The following NPAS3 variants were observed in gnomAD, a reference collection of about 807,000 sequenced individuals.
The protein encoded by NPAS3 is neuronal PAS domain protein 3.
A neutral mutation model predicts 73.1 loss-of-function variants in NPAS3; 14 were observed. The ratio of observed to expected loss-of-function variants is 0.19; its 90% CI spans 0.13 to 0.30. The LOEUF (loss-of-function observed/expected upper bound fraction) is 0.30. Ranked by LOEUF, NPAS3 falls within the 10% of genes least tolerant of loss-of-function variation. The pLI, the probability that NPAS3 is intolerant of heterozygous loss-of-function variation, is 1.00. For synonymous variants in NPAS3, 620 were observed against 541.5 expected (o/e 1.14, Z -2.01); for missense variants, 1,096 against 1,250.0 (o/e 0.88, Z 1.86).
intron 3 of NPAS3, among the ~76,000 whole-genome samples, chr14:33,363,922 CTG>C (rs10627532): frequency 0.1 from 14,880 of 148,802 alleles, 903 homozygotes; most frequent in Middle Eastern, 0.17. Context: ...GCAATGCCCT[CTG>C]TGTGTGTGTG....
chr14:33,406,874 G>A (rs2047690721), intron 4 of NPAS3, among the ~76,000 whole-genome samples: 1 of 152,054 alleles, frequency 6.6e-6, no homozygotes, highest in South Asian at 2.1e-4. Context: ...TGGTTTGTTA[G>A]CTTAACAGTA....
chr14:33,210,941 C>T (rs1339892940), intron 2 of NPAS3, among the ~76,000 whole-genome samples: 1 of 151,944 alleles, frequency 6.6e-6, no homozygotes, highest in Non-Finnish European at 1.5e-5. Context: ...ATGTCAGAAC[C>T]AAGGAATAGG....
intron 3 of NPAS3, among the ~76,000 whole-genome samples, chr14:33,352,087 C>T (rs537362496): frequency 1.3e-5 from 2 of 152,064 alleles, no homozygotes; most frequent in Non-Finnish European, 2.9e-5. Flanking sequence ...CAAATGACTC[C>T]AAGAATACAC....
rs774218063 is a variant in NPAS3 at position 33,215,215 on chromosome 14, T to C, written c.174T>C (p.Asp58=). 2.5e-6 allele frequency: 4 copies of C among 1,613,656 alleles called. No individual in the cohort carries two copies. In the Admixed American group the frequency reaches 5.0e-5, roughly 20 times the overall value. The change falls in exon 3 of 12, where the codon GAT becomes GAC. Residue 58 remains aspartate (D), a synonymous_variant. Transcript: ENST00000356141. ...CATTGAGAAAGGAGAAATCCCGAGA[T>C]GCTGCTCGCTCCCGCCGGGGAAAAG...
chr14:33,171,674 G>A (rs147869901), intron 2 of NPAS3, among the ~76,000 whole-genome samples: 146 of 152,292 alleles, frequency 9.6e-4, no homozygotes, highest in Middle Eastern at 6.8e-3. Flanking sequence ...TCAGCAATAA[G>A]CCTCTTTTCA....
intron 2 of NPAS3, among the ~76,000 whole-genome samples, chr14:33,062,309 A>G (rs1368348790): frequency 1.3e-5 from 2 of 152,136 alleles, no homozygotes; most frequent in Non-Finnish European, 2.9e-5. Context: ...AAGAAAAAAA[A>G]AAAGAAGGAA....
chr14:33,642,051 A>C (rs2058688853), intron 5 of NPAS3, among the ~76,000 whole-genome samples: 1 of 152,172 alleles, frequency 6.6e-6, no homozygotes, highest in Non-Finnish European at 1.5e-5. Context: ...TCATGTCGAT[A>C]GATAGAAAAT....
At chr14:33,162,056 C>T (rs1347429128) in intron 2 of NPAS3, among the ~76,000 whole-genome samples, 1 of 152,220 alleles carries the variant, frequency 6.6e-6, no homozygotes, top group Admixed American at 6.5e-5. Context: ...GAGTAGGCAC[C>T]ATGCCGGGCA....
intron 5 of NPAS3, among the ~76,000 whole-genome samples, chr14:33,639,362 G>A (rs2140173744): frequency 6.6e-6 from 1 of 152,044 alleles, no homozygotes; most frequent in South Asian, 2.1e-4. Context: ...CAAACCACAT[G>A]TGAAACAATC....
In NPAS3 at chr14:33,215,169, C is replaced by G; in HGVS notation, c.141-13C>G. On this transcript the variant is annotated splice_polypyrimidine_tract_variant and intron_variant, in intron 2 of 11. Transcript: ENST00000356141. ...ATATTCTAAACCACACATTCTCACT[C>G]CTTTGATTTCAGTTTACAAGCATTG... 3 of 1,612,950 alleles carry G rather than the reference C, an allele frequency of 1.9e-6. No individual in the cohort carries two copies. Among genetic ancestry groups the G allele is most frequent in the Non-Finnish European group, 2.5e-6 (3 of 1,179,200 alleles).
chr14:33,350,087 G>A (rs1170118236), intron 3 of NPAS3, among the ~76,000 whole-genome samples: 3 of 152,148 alleles, frequency 2.0e-5, no homozygotes, highest in African/African-American at 4.8e-5. Context: ...TTTCTCGTAC[G>A]CTTGGCTAGG....
chr14:33,737,255 AT>A (rs1021116120), intron 7 of NPAS3, among the ~76,000 whole-genome samples: 15 of 152,162 alleles, frequency 9.9e-5, no homozygotes, highest in African/African-American at 3.6e-4. Context: ...AGGAGGCGGG[AT>A]GTCACCTATG....
chr14:33,008,125 C>T lies in NPAS3; in HGVS notation c.51-47780C>T, dbSNP rs116140122. On this transcript the variant is annotated intron_variant, in intron 1 of 11. Coordinates refer to ENST00000356141, the Ensembl canonical transcript of NPAS3. ...AAATGCTAAGAATGATAGAGAAACA[C>T]CAGCAGAGATTATTACTGCAACATT... 7.5e-3 allele frequency among the ~76,000 whole-genome samples: 1,144 copies of T among 152,128 alleles called. 16 individuals are homozygous for T. Among genetic ancestry groups the T allele is most frequent in the African/African-American group, 0.026 (1,095 of 41,476 alleles).
At chr14:33,036,184 T>A (rs1393874849) in intron 1 of NPAS3, among the ~76,000 whole-genome samples, 1 of 152,132 alleles carries the variant, frequency 6.6e-6, no homozygotes, top group Non-Finnish European at 1.5e-5. Context: ...GGGTGGGGGC[T>A]GGTGGGTACT....
intron 6 of NPAS3, among the ~76,000 whole-genome samples, chr14:33,717,788 T>C (rs1344325189): frequency 6.6e-6 from 1 of 152,060 alleles, no homozygotes; most frequent in Non-Finnish European, 1.5e-5. Flanking sequence ...CTCTTTAAAA[T>C]AGGGAAAATA....
intron 3 of NPAS3, among the ~76,000 whole-genome samples, chr14:33,286,577 C>T (rs1171803233): frequency 6.6e-6 from 1 of 152,086 alleles, no homozygotes; most frequent in African/African-American, 2.4e-5. Flanking sequence ...CGAATATCGG[C>T]CTGAATGAGT....
intron 3 of NPAS3, among the ~76,000 whole-genome samples, chr14:33,264,930 C>T (rs1358603902): frequency 6.6e-6 from 1 of 152,128 alleles, no homozygotes; most frequent in East Asian, 1.9e-4. Flanking sequence ...CCTGAGTTCC[C>T]AGAGTTTCTC....
chr14:32,988,648 T>C (rs184459437), intron 1 of NPAS3, among the ~76,000 whole-genome samples: 2 of 152,276 alleles, frequency 1.3e-5, no homozygotes, highest in East Asian at 3.9e-4. Context: ...ATGGGGTGTG[T>C]CATCTTTGAG....
intron 3 of NPAS3, among the ~76,000 whole-genome samples, chr14:33,328,093 G>GT (rs1336046105): frequency 6.6e-6 from 1 of 152,094 alleles, no homozygotes; most frequent in African/African-American, 2.4e-5. Flanking sequence ...TTTGAAAAGT[G>GT]TAATGGGCAT....
Sources: allele counts gnomAD v4.1 joint callset (sites outside exome capture counted in the v4.1 genomes callset), GRCh38; gene constraint gnomAD v4.1.1; transcripts MANE v1.5; gene names NCBI Gene and HGNC (gene_info 2026-07-23, HGNC 2026-07-21).